LMBRD2: variants seen among roughly 807,000 people sequenced by gnomAD.
LMBRD2 encodes the protein G protein-coupled receptor-associated protein LMBRD2.
A neutral mutation model predicts 94.4 loss-of-function variants in LMBRD2; 55 were observed. The observed-to-expected ratio is 0.58, with a 90% CI of 0.47 to 0.73. The LOEUF (loss-of-function observed/expected upper bound fraction) is 0.73, where lower values mean the gene tolerates loss of function less well. Ranked by LOEUF, LMBRD2 falls within the 30% of genes least tolerant of loss-of-function variation. The pLI, the probability that LMBRD2 is intolerant of heterozygous loss-of-function variation, is 0.00. For missense variants in LMBRD2, 640 were observed against 831.9 expected (o/e 0.77, Z 2.84); for synonymous variants, 246 against 272.4 (o/e 0.90, Z 0.95).
intron 6 of LMBRD2, among the ~76,000 whole-genome samples, chr5:36,132,018 G>A (rs1744163530): frequency 6.6e-6 from 1 of 152,144 alleles, no homozygotes; most frequent in Admixed American, 6.5e-5. Context: ...AAGCTATCTT[G>A]AGTAAAAAGT....
At chr5:36,114,391 G>T in intron 13 of LMBRD2, 33 bp downstream of exon 13, 1 of 1,541,144 alleles carries the variant, frequency 6.5e-7, no homozygotes, top group South Asian at 1.3e-5. Context: ...CCAGATTTAA[G>T]AGCAAAAGAA....
chr5:36,137,200 A>G (rs1744291854), intron 5 of LMBRD2, 74 bp downstream of exon 5: 2 of 979,732 alleles, frequency 2.0e-6, no homozygotes. Context: ...TTACCTGCAC[A>G]TATGAAATTA....
At chr5:36,149,438 G>C (rs1022902529) in intron 1 of LMBRD2, among the ~76,000 whole-genome samples, 3 of 152,192 alleles carry the variant, frequency 2.0e-5, no homozygotes, top group African/African-American at 4.8e-5. Flanking sequence ...GAGATAGGTG[G>C]TTATGGCAAG....
At chr5:36,110,161 G>GA (rs1201028049) in intron 14 of LMBRD2, among the ~76,000 whole-genome samples, 170 bp from the exon 15 acceptor site, 1 of 152,036 alleles carries the variant, frequency 6.6e-6, no homozygotes, top group Non-Finnish European at 1.5e-5. Context: ...ACTCAGTAGT[G>GA]AATGCCTTCT....
rs925410580 is a variant in LMBRD2 at position 36,151,821 on chromosome 5, C to T, written c.-323G>A. ...CAGAGACGACAGCGCTGGCGATCAC[C>T]AGAAGGCCTGCGGGCTCCCGAGAAA... On this transcript the variant is annotated 5_prime_UTR_variant, in exon 1 of 18. Transcript: ENST00000296603. The surrounding 1 kb of genome is among the most constrained non-coding windows in gnomAD (Gnocchi z 4.7). 4.8e-6 allele frequency: 1 copy of T among 206,330 alleles called. No individual in the cohort carries two copies. Among genetic ancestry groups the T allele is most frequent in the Non-Finnish European group, 1.0e-5 (1 of 98,848 alleles). 12.8% of individuals were successfully genotyped at this position (206,330 alleles called of 1,614,324 possible). A position where few individuals can be genotyped will look rare whatever the true frequency, so the allele number is the denominator to read the frequency against.
At chr5:36,125,091 T>G (rs1743979073) in intron 6 of LMBRD2, among the ~76,000 whole-genome samples, 1 of 152,166 alleles carries the variant, frequency 6.6e-6, no homozygotes, top group East Asian at 1.9e-4. Flanking sequence ...AGTCTTAAAA[T>G]TTCAGTCCAG....
At chr5:36,112,000 A>C (rs1266678915) in intron 13 of LMBRD2, among the ~76,000 whole-genome samples, 2 of 152,038 alleles carry the variant, frequency 1.3e-5, no homozygotes, top group African/African-American at 4.8e-5. Context: ...AAACTTTTTC[A>C]ATGATGTACT....
rs1581038902 is a variant in LMBRD2 at position 36,105,292 on chromosome 5, A to G, written c.1898-95T>C. ...GTACAGAAAGAAAAATCAAAATTCC[A>G]AGGAATCTGAAGACAAAGAACATAA... On this transcript the variant is annotated intron_variant, in intron 16 of 17. Transcript: ENST00000296603. 3.8e-6 allele frequency: 4 copies of G among 1,039,700 alleles called. No homozygotes were observed. In the East Asian group the frequency reaches 9.8e-5, roughly 25 times the overall value. 64.4% of individuals were successfully genotyped at this position (1,039,700 alleles called of 1,614,324 possible).
At chr5:36,140,121 G>A (rs1228132728) in intron 4 of LMBRD2, among the ~76,000 whole-genome samples, 4 of 152,190 alleles carry the variant, frequency 2.6e-5, no homozygotes, top group Non-Finnish European at 2.9e-5. Context: ...AAGCTTCTGG[G>A]TACCACCACA....
At chr5:36,140,206 A>G (rs1233957156) in intron 4 of LMBRD2, among the ~76,000 whole-genome samples, 1 of 152,192 alleles carries the variant, frequency 6.6e-6, no homozygotes, top group Non-Finnish European at 1.5e-5. Flanking sequence ...AGGCTTTCAC[A>G]GAGCCGACAC....
chr5:36,102,070 C>T lies in LMBRD2; in HGVS notation c.*1976G>A, dbSNP rs575815038. ...AGACTAAATAAAACAACACTACTTTCACAGGACTTTTGATGAATTAGTCCA... is the reference window on the plus strand; with the variant it reads ...AGACTAAATAAAACAACACTACTTTTACAGGACTTTTGATGAATTAGTCCA... On this transcript the variant is annotated 3_prime_UTR_variant, in exon 18 of 18. Transcript: ENST00000296603. 15 of 152,012 alleles carry T rather than the reference C, an allele frequency of 9.9e-5. 1 individual carries two copies. In the South Asian group the frequency reaches 3.1e-3, roughly 31 times the overall value. The allele number at this position is 152,012 out of a possible 1,614,324, so 9.4% of individuals were successfully genotyped here. A position where few individuals can be genotyped will look rare whatever the true frequency, so the allele number is the denominator to read the frequency against.
In LMBRD2 at chr5:36,136,315, G is replaced by A; in HGVS notation, c.741C>T (p.Ala247=). The change falls in exon 6 of 18, where the codon GCC becomes GCT. Residue 247 remains alanine, a synonymous_variant. Transcript: ENST00000296603. ...KADAEENLED[A]MEEVRKVNES... is the part of the protein sequence containing the mutation. ...AAGGTTCAAACTTGCTTACCTCCAT[G>A]GCATCTTCCAAATTCTCTTCTGCAT... 1 of 1,613,854 alleles carries A rather than the reference G, an allele frequency of 6.2e-7. No individual in the cohort carries two copies. Among genetic ancestry groups the A allele is most frequent in the African/African-American group, 1.3e-5 (1 of 75,024 alleles).
chr5:36,113,667 A>T (rs1341520582), intron 13 of LMBRD2, among the ~76,000 whole-genome samples: 1 of 152,180 alleles, frequency 6.6e-6, no homozygotes, highest in Admixed American at 6.5e-5. Context: ...GGTAGATAAA[A>T]TTTATTTTTC....
chr5:36,111,164 T>C lies in LMBRD2; in HGVS notation c.1735A>G (p.Ile579Val). The change falls in exon 14 of 18, where the codon ATC becomes GTC. Residue 579 changes from isoleucine to valine, a missense_variant. Ile to Val is a conservative substitution (Grantham distance 29, BLOSUM62 3). Around this residue, in one of 2 missense-constraint regions of LMBRD2, gnomAD observed 183 missense variants for 189.1 expected, o/e 0.97. Transcript: ENST00000296603. ...SDLVNEGKELIRKEKRKRQRQ... is the reference protein window; with the variant it reads ...SDLVNEGKELVRKEKRKRQRQ... ...AAAAGACAAATCTTACCTTTTCTGA[T>C]TAATTCTTTTCCTTCATTAACTAAG... The C allele has an allele frequency of 6.3e-7, 1 of 1,590,636 alleles. No individual in the cohort carries two copies. Among genetic ancestry groups the C allele is most frequent in the Non-Finnish European group, 8.6e-7 (1 of 1,160,762 alleles).
chr5:36,125,395 G>A (rs1743985623), intron 6 of LMBRD2, among the ~76,000 whole-genome samples: 1 of 151,934 alleles, frequency 6.6e-6, no homozygotes, highest in Non-Finnish European at 1.5e-5. Flanking sequence ...ACAAAATTGC[G>A]AAAAAATATT....
chr5:36,118,600 T>G (rs959015630), intron 9 of LMBRD2, among the ~76,000 whole-genome samples: 1 of 151,710 alleles, frequency 6.6e-6, no homozygotes, highest in Non-Finnish European at 1.5e-5. Flanking sequence ...AATATTAACA[T>G]TGGAGAGCCT....
At position 36,100,786 on chromosome 5, in the gene LMBRD2, T is replaced by G. The variant is rs1743331478; in HGVS notation, c.*3260A>C. The G allele has an allele frequency of 6.6e-6, 1 of 152,088 alleles. No individual in the cohort carries two copies. The highest frequency in any genetic ancestry group is 2.1e-4 in the South Asian group (1 of 4,836). 9.4% of individuals were successfully genotyped at this position (152,088 alleles called of 1,614,324 possible). On this transcript the variant is annotated 3_prime_UTR_variant, in exon 18 of 18. Transcript: ENST00000296603. ...AATTATAATATGGAGAGTTTATTTT[T>G]TCTCTAATATGGTAATCAGCACACC...
Position 36,099,622 on chromosome 5 carries a change from C to T in LMBRD2, c.*4424G>A, listed in dbSNP as rs974367388. ...TTAAATAAATTATGATTTTACCCTA[C>T]ATATGTCTGCAATAGTAAATCATTC... On this transcript the variant is annotated 3_prime_UTR_variant, in exon 18 of 18. Transcript: ENST00000296603. 4 of 152,092 alleles carry T rather than the reference C, an allele frequency of 2.6e-5. No homozygotes were observed. Among genetic ancestry groups the T allele is most frequent in the Non-Finnish European group, 4.4e-5 (3 of 68,006 alleles). 9.4% of individuals were successfully genotyped at this position (152,092 alleles called of 1,614,324 possible).
chr5:36,119,850 C>T (rs922681131), intron 9 of LMBRD2, among the ~76,000 whole-genome samples: 20 of 152,190 alleles, frequency 1.3e-4, no homozygotes, highest in African/African-American at 4.8e-4. Context: ...TCTAACACTA[C>T]ACCTTCTCAG....
Sources: gnomAD v4.1 joint callset for allele counts (sites outside exome capture counted in the v4.1 genomes callset) on GRCh38, gnomAD v4.1.1 for gene constraint, gnomAD v4.1.1 regional missense constraint, Gnocchi (gnomAD v3.1) non-coding constraint, MANE v1.5 for transcripts, NCBI Gene and HGNC (gene_info 2026-07-23, HGNC 2026-07-21) for gene names.